GRAMD2A: variants seen among roughly 807,000 people sequenced by gnomAD.
The protein encoded by GRAMD2A is GRAM domain-containing protein 2A.
In GRAMD2A, 37 loss-of-function variants were observed where a neutral mutation model predicts 51.1. The ratio of observed to expected loss-of-function variants is 0.72; its 90% CI spans 0.56 to 0.95. The LOEUF is 0.95. Among genes scored for constraint, GRAMD2A ranks in the 40% least tolerant of loss-of-function variants. The pLI is 0.00. For synonymous variants in GRAMD2A, 136 were observed against 157.1 expected (o/e 0.87, Z 1.01); for missense variants, 414 against 426.9 (o/e 0.97, Z 0.27).
Position 72,166,866 on chromosome 15 carries a change from T to C in GRAMD2A, c.471+128A>G, listed in dbSNP as rs2081551456. ...TTCTCTTCCAGCTTGTTGTACGGCC[T>C]GAAATACCTACTGGAGAGCTGCAGG... On this transcript the variant is annotated intron_variant, in intron 6 of 11. Coordinates refer to ENST00000309731, the MANE Select transcript of GRAMD2A (RefSeq NM_001012642.3). This position sits in a 1 kb window ranked among gnomAD's most constrained non-coding sequence, Gnocchi z 4.1. 2 of 931,334 alleles carry C rather than the reference T, an allele frequency of 2.1e-6. No homozygotes were observed. The highest frequency in any genetic ancestry group is 1.7e-6 in the Non-Finnish European group (1 of 577,494). 57.7% of individuals were successfully genotyped at this position (931,334 alleles called of 1,614,324 possible).
rs2081461512 is a variant in GRAMD2A at position 72,160,463 on chromosome 15, A to G, written c.*1546T>C. On this transcript the variant is annotated 3_prime_UTR_variant, in exon 12 of 12. Coordinates refer to ENST00000309731, the MANE Select transcript of GRAMD2A (RefSeq NM_001012642.3). ...TCCTAAAAACTGGGATGGGGAGAGC[A>G]TGAAGAGACCACTTACTGGTAGTCC... The G allele has an allele frequency of 6.6e-6, 1 of 152,194 alleles. No individual in the cohort carries two copies. The highest frequency in any genetic ancestry group is 1.5e-5 in the Non-Finnish European group (1 of 68,050). The allele number at this position is 152,194 out of a possible 1,614,324, so 9.4% of individuals were successfully genotyped here.
chr15:72,183,143 G>A (rs2081708751), intron 1 of GRAMD2A, among the ~76,000 whole-genome samples: 1 of 151,442 alleles, frequency 6.6e-6, no homozygotes, highest in South Asian at 2.1e-4. Flanking sequence ...AAAGTGTTGG[G>A]ATTACAGGTG....
chr15:72,195,196 T>C (rs1229857370), intron 1 of GRAMD2A, among the ~76,000 whole-genome samples: 1 of 152,200 alleles, frequency 6.6e-6, no homozygotes, highest in East Asian at 1.9e-4. Context: ...AGTGTCTAGT[T>C]AGGAGAATCA....
At chr15:72,162,422 A>ATGCTCTTTCTGT in intron 10 of GRAMD2A, 45 bp from the exon 11 acceptor site, 4 of 1,448,292 alleles carry the variant, frequency 2.8e-6, no homozygotes, top group Non-Finnish European at 3.9e-6. Context: ...TTCCACAGAA[A>ATGCTCTTTCTGT]GAGCATTTCT....
In GRAMD2A at chr15:72,163,334, C is replaced by A; in HGVS notation, c.888G>T (p.Glu296Asp). Residue 296 changes from glutamate to aspartate, a missense_variant, in exon 10 of 12, where the codon GAG (glutamate) becomes GAT (aspartate). Glu to Asp is a conservative substitution (Grantham distance 45). Transcript: ENST00000309731. ...KNAVYEEDEL[E>D]EEPRSTGELR... is the part of the protein sequence containing the mutation. ...GCTCCCCAGTGCTCCTGGGCTCCTC[C>A]TCCAGCTCATCCTCCTCATAGACAG... 1 of 1,614,196 alleles carries A rather than the reference C, an allele frequency of 6.2e-7. No homozygotes were observed.
At chr15:72,188,269 G>T (rs535902492) in intron 1 of GRAMD2A, among the ~76,000 whole-genome samples, 1 of 151,728 alleles carries the variant, frequency 6.6e-6, no homozygotes, top group Admixed American at 6.6e-5. Flanking sequence ...CCCAGGAGGC[G>T]GAAATTACAG....
At chr15:72,184,349 G>C (rs1047381672) in intron 1 of GRAMD2A, among the ~76,000 whole-genome samples, 6 of 152,240 alleles carry the variant, frequency 3.9e-5, no homozygotes, top group Non-Finnish European at 8.8e-5. Context: ...CGCCCGCGGC[G>C]GCACTGATCC....
At position 72,166,070 on chromosome 15, in the gene GRAMD2A, C is replaced by T. The variant is rs1258941077; in HGVS notation, c.543+562G>A. ...TTTTAGTAAAGACAGGGTTTCACTA[C>T]GTTGGCCAGGCTGGTCTCGAACTCT... On this transcript the variant is annotated intron_variant, in intron 7 of 11. Coordinates refer to ENST00000309731, the MANE Select transcript of GRAMD2A (RefSeq NM_001012642.3). This position sits in a 1 kb window ranked among gnomAD's most constrained non-coding sequence, Gnocchi z 4.1. Among the ~76,000 whole-genome samples, 1 of 152,092 alleles carries T rather than the reference C, an allele frequency of 6.6e-6. No individual in the cohort carries two copies. The highest frequency in any genetic ancestry group is 2.4e-5 in the African/African-American group (1 of 41,416).
Position 72,166,993 on chromosome 15 carries a change from C to T in GRAMD2A, c.471+1G>A, listed in dbSNP as rs1193360492. 6.2e-7 allele frequency: 1 copy of T among 1,612,066 alleles called. No individual in the cohort carries two copies. The highest frequency in any genetic ancestry group is 1.3e-5 in the African/African-American group (1 of 74,864). Reference sequence around the variant, plus strand: ...AGGGAGCATGGGCCCAGTGCACTGACCTTCTGGCTGGTGTTGGTGGTGATG... The same window carrying T: ...AGGGAGCATGGGCCCAGTGCACTGATCTTCTGGCTGGTGTTGGTGGTGATG... On this transcript the variant is annotated splice_donor_variant, in intron 6 of 11. Coordinates refer to ENST00000309731, the MANE Select transcript of GRAMD2A (RefSeq NM_001012642.3). LOFTEE classifies it high-confidence loss of function. The surrounding 1 kb of genome is among the most constrained non-coding windows in gnomAD (Gnocchi z 4.1).
At chr15:72,186,369 G>A (rs2081734178) in intron 1 of GRAMD2A, among the ~76,000 whole-genome samples, 1 of 149,556 alleles carries the variant, frequency 6.7e-6, no homozygotes. Flanking sequence ...CTATCACCCA[G>A]GCTGGAGTAC....
At chr15:72,179,083 C>G (rs2081677916) in intron 1 of GRAMD2A, among the ~76,000 whole-genome samples, 1 of 152,208 alleles carries the variant, frequency 6.6e-6, no homozygotes, top group Admixed American at 6.5e-5. Context: ...GGCGGGAACT[C>G]AACCTCATCA....
Position 72,196,788 on chromosome 15 carries a change from C to T in GRAMD2A, c.41+943G>A, listed in dbSNP as rs143265327. 8.8e-4 allele frequency among the ~76,000 whole-genome samples: 134 copies of T among 152,278 alleles called. 1 individual carries two copies. In the East Asian group the frequency reaches 0.025, roughly 29 times the overall value. On this transcript the variant is annotated intron_variant, in intron 1 of 11. Coordinates refer to ENST00000309731, the MANE Select transcript of GRAMD2A (RefSeq NM_001012642.3). Reference sequence around the variant, plus strand: ...GCGGCAAGCAGAGCAGAGACACAGACGACAGCGGGGTGGAGCCCCACCAGT... The same window carrying T: ...GCGGCAAGCAGAGCAGAGACACAGATGACAGCGGGGTGGAGCCCCACCAGT...
chr15:72,178,614 C>G (rs1188699457), intron 1 of GRAMD2A, among the ~76,000 whole-genome samples: 1 of 109,298 alleles, frequency 9.1e-6, no homozygotes, highest in East Asian at 3.1e-4. Flanking sequence ...CTTGCTCTAT[C>G]GCCCAGGCTG....
intron 1 of GRAMD2A, among the ~76,000 whole-genome samples, chr15:72,188,874 G>A (rs2081750689): frequency 6.6e-6 from 1 of 152,140 alleles, no homozygotes; most frequent in Non-Finnish European, 1.5e-5. Context: ...AGTAGAGATG[G>A]AGTTTTGCCA....
chr15:72,169,653 C>A, intron 2 of GRAMD2A, 194 bp downstream of exon 2: 1 of 697,094 alleles, frequency 1.4e-6, no homozygotes, highest in South Asian at 1.5e-5. Flanking sequence ...GAAGCATGGA[C>A]TCTGCTAGGT....
chr15:72,190,868 T>C (rs933047600), intron 1 of GRAMD2A, among the ~76,000 whole-genome samples: 2 of 152,208 alleles, frequency 1.3e-5, no homozygotes, highest in Non-Finnish European at 1.5e-5. Flanking sequence ...GGGAAATGGC[T>C]GATTCCGGAT....
intron 1 of GRAMD2A, among the ~76,000 whole-genome samples, chr15:72,180,620 T>C (rs1283490724): frequency 1.3e-5 from 2 of 152,192 alleles, no homozygotes; most frequent in East Asian, 3.9e-4. Context: ...ACCTCAGAAT[T>C]ACTCTGGCTT....
chr15:72,178,231 G>A (rs1181878513), intron 1 of GRAMD2A, among the ~76,000 whole-genome samples: 1 of 152,158 alleles, frequency 6.6e-6, no homozygotes, highest in Non-Finnish European at 1.5e-5. Flanking sequence ...TCCTTGACAA[G>A]GCAGGGAACC....
rs1271789807 is a variant in GRAMD2A at position 72,161,539 on chromosome 15, A to G, written c.*470T>C. On this transcript the variant is annotated 3_prime_UTR_variant, in exon 12 of 12. Transcript: ENST00000309731. The stretch of plus-strand genomic sequence containing the variant: ...GTGGGAACACAGAGTGTTGGGAGGG[A>G]GCAGAGCCCACATGGGTGGTTTGTG... 1 of 170,100 alleles carries G rather than the reference A, an allele frequency of 5.9e-6. No individual in the cohort carries two copies. The allele number at this position is 170,100 out of a possible 1,614,324, so 10.5% of individuals were successfully genotyped here.
Sources: gnomAD v4.1 joint callset for allele counts (sites outside exome capture counted in the v4.1 genomes callset) on GRCh38, gnomAD v4.1.1 for gene constraint, Gnocchi (gnomAD v3.1) non-coding constraint, MANE v1.5 for transcripts, NCBI Gene and HGNC (gene_info 2026-07-23, HGNC 2026-07-21) for gene names.